The following SORCS2 variants were observed in gnomAD, a reference collection of about 807,000 sequenced individuals.
SORCS2 encodes sortilin related VPS10 domain containing receptor 2.
A neutral mutation model predicts 141.6 loss-of-function variants in SORCS2; 100 were observed. That is an observed-to-expected ratio of 0.71 (90% CI 0.60 to 0.83). SORCS2 has a LOEUF of 0.83. SORCS2 is among the 40% of genes least tolerant of loss of function. The pLI is 0.00. For synonymous variants in SORCS2, 789 were observed against 676.9 expected (o/e 1.17, Z -2.57); for missense variants, 1,646 against 1,560.2 (o/e 1.05, Z -0.93).
intron 2 of SORCS2, among the ~76,000 whole-genome samples, chr4:7,466,802 A>G (rs1336270488): frequency 1.3e-5 from 2 of 152,170 alleles, no homozygotes; most frequent in Non-Finnish European, 2.9e-5. Context: ...GAATCGGCCC[A>G]GGGGTGCTGG....
At chr4:7,287,589 C>T (rs191357360) in intron 1 of SORCS2, among the ~76,000 whole-genome samples, 4 of 152,342 alleles carry the variant, frequency 2.6e-5, no homozygotes, top group South Asian at 2.1e-4. Flanking sequence ...GGCTTTGTGC[C>T]GCCCTCGGGA....
intron 4 of SORCS2, among the ~76,000 whole-genome samples, chr4:7,641,602 C>A (rs1231006743): frequency 6.6e-6 from 1 of 152,178 alleles, no homozygotes; most frequent in Non-Finnish European, 1.5e-5. Context: ...TTGGGGTAAG[C>A]TCTTTGAGGG....
At chr4:7,523,230 C>T (rs563631252) in intron 2 of SORCS2, among the ~76,000 whole-genome samples, 23 of 152,188 alleles carry the variant, frequency 1.5e-4, no homozygotes, top group South Asian at 1.5e-3. Flanking sequence ...CCACTAGGAC[C>T]GCTAAGGAAG....
At chr4:7,686,427 C>A (rs900038654) in intron 10 of SORCS2, among the ~76,000 whole-genome samples, 1 of 152,210 alleles carries the variant, frequency 6.6e-6, no homozygotes, top group African/African-American at 2.4e-5. Context: ...CACCCTCTGG[C>A]CCCTATGTGC....
At chr4:7,222,302 G>A (rs1232993143) in intron 1 of SORCS2, among the ~76,000 whole-genome samples, 2 of 152,176 alleles carry the variant, frequency 1.3e-5, no homozygotes, top group African/African-American at 4.8e-5. Flanking sequence ...ATATTATTCA[G>A]CCATGGACAG....
At position 7,360,757 on chromosome 4, in the gene SORCS2, A is replaced by AT. The variant is rs548586514; in HGVS notation, c.481-35523dup. Among the ~76,000 whole-genome samples, 643 of 149,106 alleles carry AT rather than the reference A, an allele frequency of 4.3e-3. 2 individuals carry two copies. The highest frequency in any genetic ancestry group is 0.014 in the African/African-American group (565 of 40,496). On this transcript the variant is annotated intron_variant, in intron 1 of 26. Coordinates refer to ENST00000507866, the MANE Select transcript of SORCS2 (RefSeq NM_020777.3). Reference sequence around the variant, plus strand: ...ACCACCACACTTGGCTAATTTTTGTATTTTTTTTATAGAGACGGGGTTTCA... The same window carrying AT: ...ACCACCACACTTGGCTAATTTTTGTATTTTTTTTTATAGAGACGGGGTTTCA...
intron 3 of SORCS2, among the ~76,000 whole-genome samples, chr4:7,621,208 G>A (rs1719150069): frequency 6.6e-6 from 1 of 152,222 alleles, no homozygotes; most frequent in Admixed American, 6.5e-5. Context: ...CCAGGGTGGT[G>A]TGTGGGAAGT....
At chr4:7,605,267 C>A (rs765835524) in intron 3 of SORCS2, among the ~76,000 whole-genome samples, 1 of 152,234 alleles carries the variant, frequency 6.6e-6, no homozygotes, top group Non-Finnish European at 1.5e-5. Context: ...TTTGAGGACA[C>A]TTCTCAGGTG....
intron 3 of SORCS2, among the ~76,000 whole-genome samples, chr4:7,597,792 T>A (rs975623467): frequency 2.6e-5 from 4 of 151,708 alleles, no homozygotes; most frequent in Admixed American, 2.6e-4. Flanking sequence ...AGCTCAAAGG[T>A]CAGGCAGAAA....
At chr4:7,641,825 G>GATGGGGATGA (rs879312404) in intron 4 of SORCS2, among the ~76,000 whole-genome samples, 6,086 of 120,766 alleles carry the variant, frequency 0.05, 255 homozygotes, top group Non-Finnish European at 0.084. Context: ...TGGGTGGGTG[G>GATGGGGATGA]ATGGATGGAT....
chr4:7,281,477 C>T (rs1414877853), intron 1 of SORCS2, among the ~76,000 whole-genome samples: 1 of 152,190 alleles, frequency 6.6e-6, no homozygotes, highest in Non-Finnish European at 1.5e-5. Context: ...GCCTCCAGCA[C>T]GTGGGCCTTT....
At chr4:7,614,956 C>T (rs2108816223) in intron 3 of SORCS2, among the ~76,000 whole-genome samples, 1 of 152,266 alleles carries the variant, frequency 6.6e-6, no homozygotes, top group Middle Eastern at 3.4e-3. Context: ...ACCATCCATT[C>T]ACCCATAATC....
At chr4:7,370,315 A>C (rs1486564829) in intron 1 of SORCS2, among the ~76,000 whole-genome samples, 1 of 152,170 alleles carries the variant, frequency 6.6e-6, no homozygotes, top group Non-Finnish European at 1.5e-5. Flanking sequence ...CTGAGCCCGG[A>C]CGGGGGCAGA....
At chr4:7,334,966 A>T (rs1006185404) in intron 1 of SORCS2, among the ~76,000 whole-genome samples, 1 of 151,720 alleles carries the variant, frequency 6.6e-6, no homozygotes, top group Non-Finnish European at 1.5e-5. Context: ...GTGTGGAGGG[A>T]GGGAGGGAAA....
chr4:7,379,296 G>A (rs1376919153), intron 1 of SORCS2, among the ~76,000 whole-genome samples: 1 of 152,182 alleles, frequency 6.6e-6, no homozygotes, highest in East Asian at 1.9e-4. Flanking sequence ...GAGGGCAGGA[G>A]GGAGGGCAGG....
intron 2 of SORCS2, among the ~76,000 whole-genome samples, chr4:7,422,586 C>A (rs867523680): frequency 6.6e-6 from 1 of 152,096 alleles, no homozygotes; most frequent in Non-Finnish European, 1.5e-5. Flanking sequence ...TGCCCTAATC[C>A]CCTTGTGTGT....
chr4:7,448,572 TTC>T (rs1728162113), intron 2 of SORCS2, among the ~76,000 whole-genome samples: 1 of 129,274 alleles, frequency 7.7e-6, no homozygotes. Context: ...CCTCCCTTGC[TTC>T]CTTCCTCTCC....
In SORCS2 at chr4:7,335,870, C is replaced by A. The variant is rs1187256013; in HGVS notation, c.481-60418C>A. 2.6e-5 allele frequency among the ~76,000 whole-genome samples: 4 copies of A among 152,170 alleles called. No individual in the cohort carries two copies. The East Asian group carries it at 7.7e-4, about 29-fold the overall frequency. On this transcript the variant is annotated intron_variant, in intron 1 of 26. Transcript: ENST00000507866. The stretch of plus-strand genomic sequence containing the variant: ...ATGGAGTGCGGGTGCGGGGGTGAGG[C>A]CTGGAGACCCAAGCTGGCTTGGCAG...
At chr4:7,698,718 C>G (rs548543193) in intron 12 of SORCS2, among the ~76,000 whole-genome samples, 1 of 152,346 alleles carries the variant, frequency 6.6e-6, no homozygotes, top group Admixed American at 6.5e-5. Context: ...GAGGCCTGGC[C>G]AGGGCAGTGC....
Sources: allele counts gnomAD v4.1 joint callset (sites outside exome capture counted in the v4.1 genomes callset), GRCh38; gene constraint gnomAD v4.1.1; transcripts MANE v1.5; gene names NCBI Gene and HGNC (gene_info 2026-07-23, HGNC 2026-07-21).